Variants in TEX11 observed in about 807,000 individuals in gnomAD.
TEX11 encodes testis expressed 11.
In TEX11, 7 loss-of-function variants were observed where a neutral mutation model predicts 84.4. The observed-to-expected ratio is 0.08, with a 90% confidence interval of 0.05 to 0.16. The LOEUF is 0.16. Ranked by LOEUF, TEX11 falls within the 10% of genes least tolerant of loss-of-function variation. The pLI, the probability that TEX11 is intolerant of heterozygous loss-of-function variation, is 1.00. For synonymous variants in TEX11, 264 were observed against 222.8 expected, an observed-to-expected ratio of 1.18 and a Z score of -1.64; for missense variants, 551 against 660.5, an observed-to-expected ratio of 0.83 and a Z score of 1.82.
downstream of TEX11, among the ~76,000 whole-genome samples, chrX:70,524,105 G>A (rs771398445): frequency 3.3e-4 from 37 of 111,833 alleles, no homozygotes; most frequent in Non-Finnish European, 6.2e-4. Flanking sequence ...AGTGTAGATA[G>A]TACAATTATT....
intron 9 of TEX11, among the ~76,000 whole-genome samples, chrX:70,803,965 G>A (rs772740127): frequency 3.3e-4 from 37 of 111,348 alleles, no homozygotes; most frequent in Non-Finnish European, 5.9e-4. Context: ...TTTATATAGC[G>A]AGGCTCCGCC....
Position 70,553,391 on chromosome X carries a change from G to A in TEX11, c.2314C>T (p.His772Tyr). 8.3e-7 allele frequency: 1 copy of A among 1,202,613 alleles called. No homozygotes were observed. Among genetic ancestry groups the A allele is most frequent in the Admixed American group, 2.2e-5 (1 of 45,066 alleles). ...IAIIAMEKPA[H>Y]YPLIALKALK... ...GCCTTGAGAGCAATCAAAGGATAGT[G>A]TGCAGGCTTTTCCATTGCTATTACT... Residue 772 changes from histidine to tyrosine, a missense_variant, in exon 27 of 30, where the codon CAC becomes TAC. By Grantham distance (83) the His-to-Tyr change is moderately conservative (BLOSUM62 2). Transcript: ENST00000374333.
chrX:70,579,488 C>T (rs1386070811), intron 25 of TEX11, among the ~76,000 whole-genome samples: 4 of 94,308 alleles, frequency 4.2e-5, no homozygotes, highest in African/African-American at 1.6e-4. Flanking sequence ...CAGAGCAAGA[C>T]TCCGTCTCAA....
chrX:70,657,004 T>C (rs367923704), intron 16 of TEX11, among the ~76,000 whole-genome samples: 3 of 111,630 alleles, frequency 2.7e-5, no homozygotes, highest in Middle Eastern at 4.6e-3. Flanking sequence ...AAAGAAAAAG[T>C]ATAGATCAGT....
intron 4 of TEX11, among the ~76,000 whole-genome samples, chrX:70,872,371 T>A (rs2091634200): frequency 8.9e-6 from 1 of 112,649 alleles, no homozygotes; most frequent in South Asian, 3.7e-4. Flanking sequence ...TACACGGAAG[T>A]TGTATACAGT....
At chrX:70,814,866 C>G (rs977931362) in intron 8 of TEX11, among the ~76,000 whole-genome samples, 3 of 112,533 alleles carry the variant, frequency 2.7e-5, no homozygotes, top group African/African-American at 9.7e-5. Context: ...CCAAAGCATA[C>G]AAACTACTCA....
At chrX:70,802,340 G>A (rs1032540862) in intron 9 of TEX11, among the ~76,000 whole-genome samples, 1 of 110,582 alleles carries the variant, frequency 9.0e-6, no homozygotes, top group East Asian at 2.8e-4. Flanking sequence ...TGAACAATGT[G>A]TGTTTGATGA....
At chrX:70,891,337 G>A (rs762287659) in intron 2 of TEX11, among the ~76,000 whole-genome samples, 94 of 111,753 alleles carry the variant, frequency 8.4e-4, no homozygotes, top group African/African-American at 2.9e-3. Context: ...CCAAAGGATC[G>A]CAGCTCCTCA....
intron 4 of TEX11, among the ~76,000 whole-genome samples, chrX:70,862,090 A>C (rs1265240520): frequency 1.1e-5 from 1 of 95,034 alleles, no homozygotes; most frequent in African/African-American, 4.7e-5. Flanking sequence ...TCCTGGGCTC[A>C]AGCAATCCTC....
rs188988676 is a variant in TEX11, at chrX:70,557,776, G to A, written c.2141-2976C>T. 1.2e-4 allele frequency among the ~76,000 whole-genome samples: 13 copies of A among 111,537 alleles called. No homozygotes were observed. In the East Asian group the frequency reaches 2.8e-3, roughly 24 times the overall value. ...TTGAAACTCGTATGGAAATTCAAGG[G>A]ACCCAGAATAACCAAAACAATCTTG... On this transcript the variant is annotated intron_variant, in intron 25 of 29. Transcript: ENST00000374333.
intron 17 of TEX11, among the ~76,000 whole-genome samples, chrX:70,634,586 AAT>A (rs1185310108): frequency 1.9e-5 from 2 of 103,916 alleles, no homozygotes; most frequent in African/African-American, 7.1e-5. Context: ...AATGGAATGG[AAT>A]AGAGTCCAGA....
At chrX:70,735,002 A>T (rs1393296718) in intron 11 of TEX11, among the ~76,000 whole-genome samples, 1 of 112,216 alleles carries the variant, frequency 8.9e-6, no homozygotes, top group Non-Finnish European at 1.9e-5. Flanking sequence ...AAGAGACAAA[A>T]GGCACGCAGA....
At chrX:70,541,868 G>C (rs779494407) in intron 28 of TEX11, among the ~76,000 whole-genome samples, 10 of 112,231 alleles carry the variant, frequency 8.9e-5, no homozygotes, top group Admixed American at 7.5e-4. Flanking sequence ...AAAAAAACTT[G>C]AACAATCGAC....
At chrX:70,704,121 C>G (rs1039953945) in intron 13 of TEX11, among the ~76,000 whole-genome samples, 4 of 109,748 alleles carry the variant, frequency 3.6e-5, no homozygotes, top group Admixed American at 9.8e-5. Flanking sequence ...CTCTGTCTCT[C>G]TCTCTCTCTC....
At chrX:70,814,147 A>T (rs967029405) in intron 8 of TEX11, among the ~76,000 whole-genome samples, 4 of 112,070 alleles carry the variant, frequency 3.6e-5, no homozygotes, top group African/African-American at 1.3e-4. Context: ...TTGCCAAGTC[A>T]GTCCTCAGCC....
At chrX:70,675,400 G>T (rs2090061788) in intron 15 of TEX11, among the ~76,000 whole-genome samples, 1 of 110,728 alleles carries the variant, frequency 9.0e-6, no homozygotes, top group African/African-American at 3.3e-5. Context: ...TTTTATTATG[G>T]TAAAAAACAC....
intron 7 of TEX11, among the ~76,000 whole-genome samples, chrX:70,834,382 T>A (rs2091393711): frequency 4.5e-5 from 5 of 110,919 alleles, no homozygotes. Context: ...TACCATTCTA[T>A]GTCTGAACAC....
chrX:70,689,319 T>G (rs1255836178), intron 13 of TEX11, among the ~76,000 whole-genome samples: 2 of 111,434 alleles, frequency 1.8e-5, no homozygotes, highest in Non-Finnish European at 3.8e-5. Context: ...CACACATATA[T>G]TTTCTTTGCT....
rs763926512 is a variant in TEX11, at chrX:70,679,551, C to T, written c.1157-662G>A. ...GAAGTGAGGAGCGTCTCTGCCCGGC[C>T]GCCCCGTCTGAGAAGTGAGGAGACC... is the stretch of plus-strand genomic sequence containing the variant. On this transcript the variant is annotated intron_variant, in intron 14 of 29. Coordinates refer to ENST00000374333, the MANE Select transcript of TEX11 (RefSeq NM_031276.3). Among the ~76,000 whole-genome samples, 37 of 111,613 alleles carry T rather than the reference C, an allele frequency of 3.3e-4. No individual in the cohort carries two copies. The South Asian group carries it at 0.013, about 40-fold the overall frequency.
Sources: allele counts gnomAD v4.1 joint callset (sites outside exome capture counted in the v4.1 genomes callset), GRCh38; gene constraint gnomAD v4.1.1; transcripts MANE v1.5; gene names NCBI Gene and HGNC (gene_info 2026-07-23, HGNC 2026-07-21).